The following F3 variants were observed in gnomAD, a reference collection of about 807,000 sequenced individuals.
F3 encodes coagulation factor III, tissue factor.
Under a neutral mutation model 33.5 loss-of-function variants are expected in F3, and 18 were observed. The ratio of observed to expected loss-of-function variants is 0.54; its 90% CI spans 0.37 to 0.80. The LOEUF is 0.80. Among genes scored for constraint, F3 ranks in the 30% least tolerant of loss-of-function variants. F3 has a pLI of 0.00. For missense variants in F3, 353 were observed against 362.1 expected (o/e 0.97, Z 0.20); for synonymous variants, 147 against 140.7 (o/e 1.05, Z -0.32).
Position 94,541,744 on chromosome 1 carries a change from G to C in F3, c.-108C>G, listed in dbSNP as rs11554414. The C allele has an allele frequency of 1.7e-6, 1 of 592,104 alleles. No homozygotes were observed. Among genetic ancestry groups the C allele is most frequent in the East Asian group, 3.5e-5 (1 of 28,864 alleles). The allele number at this position is 592,104 out of a possible 1,614,324, so 36.7% of individuals were successfully genotyped here. ...GCCAGAGGGAGTGCGAGGGGGTGCG[G>C]GGAGCTCGCAGTCTTGGGGAGCCGG... On this transcript the variant is annotated 5_prime_UTR_variant, in exon 1 of 6. Coordinates refer to ENST00000334047, the MANE Select transcript of F3 (RefSeq NM_001993.5).
chr1:94,529,456 T>C lies in F3; in HGVS notation c.*1004A>G, dbSNP rs1401304332. On this transcript the variant is annotated 3_prime_UTR_variant, in exon 6 of 6. Transcript: ENST00000334047. ...AAAATTATATATACAATGTCAACCA[T>C]AGAAGCTTTAAGTACCTTAAATCAT... 3 of 152,570 alleles carry C rather than the reference T, an allele frequency of 2.0e-5. No individual in the cohort carries two copies. The highest frequency in any genetic ancestry group is 4.4e-5 in the Non-Finnish European group (3 of 68,024). 9.5% of individuals were successfully genotyped at this position (152,570 alleles called of 1,614,324 possible). A position where few individuals can be genotyped will look rare whatever the true frequency, so the allele number is the denominator to read the frequency against.
In F3 at chr1:94,541,547, G is replaced by A. The variant is rs1411672574; in HGVS notation, c.90C>T (p.Ala30=). Residue 30 remains alanine, a synonymous_variant, in exon 1 of 6, where the codon GCC becomes GCT. Transcript: ENST00000334047. ...GCTGGTGCCACTCACCTGAAGCGCCGGCCACCTGGGCGAAGACCCAGCCGA... is the reference window on the plus strand; with the variant it reads ...GCTGGTGCCACTCACCTGAAGCGCCAGCCACCTGGGCGAAGACCCAGCCGA... ...LLLGWVFAQV[A]GASGTTNTVA... 6.7e-7 allele frequency: 1 copy of A among 1,496,696 alleles called. No individual in the cohort carries two copies. The highest frequency in any genetic ancestry group is 1.4e-5 in the African/African-American group (1 of 69,648). The allele number at this position is 1,496,696 out of a possible 1,614,324, so 92.7% of individuals were successfully genotyped here. A position where few individuals can be genotyped will look rare whatever the true frequency, so the allele number is the denominator to read the frequency against.
chr1:94,540,282 T>C lies in F3; in HGVS notation c.187A>G (p.Asn63Asp). Residue 63 changes from asparagine to aspartate, a missense_variant, in exon 2 of 6, where the codon AAT becomes GAT. Transcript: ENST00000334047. ...TILEWEPKPV[N>D]QVYTVQISTK... ...CTTATTTGAACAGTGTAGACTTGATTGACGGGTTTGGGTTCCCACTCCAAA... is the reference window on the plus strand; with the variant it reads ...CTTATTTGAACAGTGTAGACTTGATCGACGGGTTTGGGTTCCCACTCCAAA... 1 of 1,613,434 alleles carries C rather than the reference T, an allele frequency of 6.2e-7. No individual in the cohort carries two copies. The highest frequency in any genetic ancestry group is 8.5e-7 in the Non-Finnish European group (1 of 1,179,420).
At chr1:94,536,275 A>G in intron 2 of F3, 111 bp from the exon 3 acceptor site, 1 of 902,728 alleles carries the variant, frequency 1.1e-6, no homozygotes, top group Non-Finnish European at 1.8e-6. Context: ...GAGCCCTACA[A>G]TCAATCCTAA....
rs1437310029 is a variant in F3, at chr1:94,529,345, T to C, written c.*1115A>G. On this transcript the variant is annotated 3_prime_UTR_variant, in exon 6 of 6. Transcript: ENST00000334047. ...AATTCCCAGTCACCTTTATTTAAAG[T>C]ATATTAAATAAATTATCTCAATATA... The C allele has an allele frequency of 6.6e-6, 1 of 152,612 alleles. No individual in the cohort carries two copies. Among genetic ancestry groups the C allele is most frequent in the Non-Finnish European group, 1.5e-5 (1 of 68,036 alleles). The allele number at this position is 152,612 out of a possible 1,614,324, so 9.5% of individuals were successfully genotyped here.
At chr1:94,540,391 T>C (rs1376873130) in intron 1 of F3, 23 bp from the exon 2 acceptor site, 1 of 1,505,220 alleles carries the variant, frequency 6.6e-7, no homozygotes, top group Admixed American at 1.7e-5. Flanking sequence ...GAGAAACAGC[T>C]ATTATTACAT....
intron 4 of F3, 48 bp downstream of exon 4, chr1:94,533,042 T>C (rs766956647): frequency 6.4e-7 from 1 of 1,562,596 alleles, no homozygotes; most frequent in Non-Finnish European, 8.7e-7. Context: ...AAAACCCAAG[T>C]ATTCACAATT....
intron 5 of F3, 60 bp downstream of exon 5, chr1:94,532,261 C>G: frequency 1.3e-6 from 2 of 1,545,188 alleles, no homozygotes; most frequent in Non-Finnish European, 1.8e-6. Context: ...TGGAGCTACT[C>G]CTCCAGAAGT....
Position 94,536,102 on chromosome 1 carries a change from G to C in F3, c.275C>G (p.Thr92Ser), listed in dbSNP as rs1176673024. ...CTTCACATCCTTCACAATCTCGTCGGTGAGGTCACACTCTGTGTCTGTTGT... is the reference window on the plus strand; with the variant it reads ...CTTCACATCCTTCACAATCTCGTCGCTGAGGTCACACTCTGTGTCTGTTGT... ...FYTTDTECDL[T>S]DEIVKDVKQT... is the part of the protein sequence containing the mutation. Residue 92 changes from threonine to serine, a missense_variant, in exon 3 of 6, where the codon ACC becomes AGC. Thr to Ser is a moderately conservative substitution (Grantham distance 58, BLOSUM62 1). Transcript: ENST00000334047. The C allele has an allele frequency of 6.2e-7, 1 of 1,614,158 alleles. No homozygotes were observed. Among genetic ancestry groups the C allele is most frequent in the Non-Finnish European group, 8.5e-7 (1 of 1,180,010 alleles).
intron 2 of F3, among the ~76,000 whole-genome samples, chr1:94,539,788 C>T (rs1192543368): frequency 6.6e-6 from 1 of 152,092 alleles, no homozygotes; most frequent in African/African-American, 2.4e-5. Context: ...TACCAGATTT[C>T]GATTCATGGA....
At chr1:94,533,380 T>TA in intron 3 of F3, 112 bp from the exon 4 acceptor site, 1 of 1,284,198 alleles carries the variant, frequency 7.8e-7, no homozygotes, top group Non-Finnish European at 1.1e-6. Context: ...AACATGTGCA[T>TA]AGAACCAGCT....
Position 94,530,132 on chromosome 1 carries a change from A to AT in F3, c.*327dup, listed in dbSNP as rs1243709177. The AT allele has an allele frequency of 5.8e-6, 1 of 173,390 alleles. No individual in the cohort carries two copies. Among genetic ancestry groups the AT allele is most frequent in the Admixed American group, 6.2e-5 (1 of 16,080 alleles). 10.7% of individuals were successfully genotyped at this position (173,390 alleles called of 1,614,324 possible). On this transcript the variant is annotated 3_prime_UTR_variant, in exon 6 of 6. Transcript: ENST00000334047. The stretch of plus-strand genomic sequence containing the variant: ...AAGTCCACCCAGGATTTTTTAAGAC[A>AT]TTTTCCCATTTGTTTTTGCTTGGAC...
intron 4 of F3, 102 bp from the exon 5 acceptor site, chr1:94,532,582 T>C: frequency 7.9e-7 from 1 of 1,269,632 alleles, no homozygotes; most frequent in Non-Finnish European, 1.1e-6. Context: ...AAGCAAAGCC[T>C]ACAAGAACAC....
chr1:94,533,268 G>C lies in F3; in HGVS notation c.413C>G (p.Thr138Arg). The change falls in exon 4 of 6, where the codon ACA becomes AGA. Residue 138 changes from threonine (T) to arginine (R), a missense_variant and splice_region_variant. By Grantham distance (71) the Thr-to-Arg change is moderately conservative (BLOSUM62 -1). Transcript: ENST00000334047. ...CTGAATTGTTGGCTGTCCGAGGTTT[G>C]CTGAAACAAAGGAAATGAGCTTGGT... ...NSPEFTPYLE[T>R]NLGQPTIQSF... The C allele has an allele frequency of 6.2e-7, 1 of 1,608,328 alleles. No homozygotes were observed. Among genetic ancestry groups the C allele is most frequent in the South Asian group, 1.1e-5 (1 of 88,996 alleles).
intron 3 of F3, among the ~76,000 whole-genome samples, chr1:94,535,375 A>G (rs902936136): frequency 6.6e-6 from 1 of 152,108 alleles, no homozygotes; most frequent in Non-Finnish European, 1.5e-5. Flanking sequence ...GCTGAGGAGG[A>G]AAGTATTCCA....
Position 94,541,536 on chromosome 1 carries a change from C to A in F3, c.100+1G>T. ...GGCTTCCAGGGGCTGGTGCCACTCA[C>A]CTGAAGCGCCGGCCACCTGGGCGAA... On this transcript the variant is annotated splice_donor_variant, in intron 1 of 5. Coordinates refer to ENST00000334047, the MANE Select transcript of F3 (RefSeq NM_001993.5). LOFTEE classifies it high-confidence loss of function. 6.7e-7 allele frequency: 1 copy of A among 1,490,464 alleles called. No individual in the cohort carries two copies. 92.3% of individuals were successfully genotyped at this position (1,490,464 alleles called of 1,614,324 possible).
In F3 at chr1:94,535,937, G is replaced by A. The variant is rs200965406; in HGVS notation, c.412+28C>T. ...ATGTTCAGACGTTTCTAACAAGAATGAACGGTATTACAGCCCAAGCCACTT... is the reference window on the plus strand; with the variant it reads ...ATGTTCAGACGTTTCTAACAAGAATAAACGGTATTACAGCCCAAGCCACTT... On this transcript the variant is annotated intron_variant, in intron 3 of 5. Transcript: ENST00000334047. 19 of 1,596,246 alleles carry A rather than the reference G, an allele frequency of 1.2e-5. No individual in the cohort carries two copies. The African/African-American group carries it at 2.5e-4, about 21-fold the overall frequency.
chr1:94,529,181 C>T lies in F3; in HGVS notation c.*1279G>A, dbSNP rs1651340748. On this transcript the variant is annotated 3_prime_UTR_variant, in exon 6 of 6. Coordinates refer to ENST00000334047, the MANE Select transcript of F3 (RefSeq NM_001993.5). ...AAGAAGTGCAGTCAGCCTACAGTCA[C>T]CAAAATGTATTATAAGCGAAAAAGA... The T allele has an allele frequency of 6.6e-6, 1 of 152,510 alleles. No homozygotes were observed. Among genetic ancestry groups the T allele is most frequent in the African/African-American group, 2.4e-5 (1 of 41,414 alleles). The allele number at this position is 152,510 out of a possible 1,614,324, so 9.4% of individuals were successfully genotyped here.
intron 3 of F3, 46 bp downstream of exon 3, chr1:94,535,919 G>A: frequency 6.4e-7 from 1 of 1,551,716 alleles, no homozygotes; most frequent in Non-Finnish European, 8.9e-7. Context: ...AGAATGTTCA[G>A]ACGTTTCTAA....
Sources: allele counts gnomAD v4.1 joint callset (sites outside exome capture counted in the v4.1 genomes callset), GRCh38; gene constraint gnomAD v4.1.1; transcripts MANE v1.5; gene names NCBI Gene and HGNC (gene_info 2026-07-23, HGNC 2026-07-21).